SYCP1: variants seen among roughly 807,000 people sequenced by gnomAD.
SYCP1 encodes the protein cancer/testis antigen 8.
A neutral mutation model predicts 153.1 loss-of-function variants in SYCP1; 64 were observed. That is an observed-to-expected ratio of 0.42 (90% confidence interval 0.34 to 0.51). The LOEUF is 0.51. Among genes scored for constraint, SYCP1 ranks in the 20% least tolerant of loss-of-function variants. The pLI is 0.06. For missense variants in SYCP1, 997 were observed against 1,049.0 expected, an observed-to-expected ratio of 0.95 and a Z score of 0.68; for synonymous variants, 384 against 341.8, an observed-to-expected ratio of 1.12 and a Z score of -1.36.
At chr1:114,964,236 T>C (rs1205638183) in intron 27 of SYCP1, among the ~76,000 whole-genome samples, 1 of 152,230 alleles carries the variant, frequency 6.6e-6, no homozygotes, top group Non-Finnish European at 1.5e-5. Context: ...TATTTTCTTG[T>C]AAATTTGTTT....
chr1:114,952,390 G>A (rs516985), intron 27 of SYCP1, among the ~76,000 whole-genome samples: 72,593 of 151,590 alleles, frequency 0.48, 18,069 homozygotes, highest in Non-Finnish European at 0.55. Context: ...TCTAATTTGC[G>A]TTTTTCTGCT....
chr1:114,951,290 A>G (rs529874804), intron 27 of SYCP1, among the ~76,000 whole-genome samples: 2 of 152,304 alleles, frequency 1.3e-5, no homozygotes, highest in East Asian at 3.9e-4. Context: ...ATAAACAAAA[A>G]GAACCATAGT....
chr1:114,940,050 GT>G (rs929996012), intron 23 of SYCP1, among the ~76,000 whole-genome samples: 4 of 151,842 alleles, frequency 2.6e-5, no homozygotes, highest in African/African-American at 9.7e-5. Flanking sequence ...TCCTTCTTTT[GT>G]TTTTTTCTTT....
At chr1:114,942,319 A>T (rs937789891) in intron 23 of SYCP1, among the ~76,000 whole-genome samples, 1 of 152,020 alleles carries the variant, frequency 6.6e-6, no homozygotes, top group African/African-American at 2.4e-5. Flanking sequence ...ATGTTGGAGA[A>T]ATAAGGATAA....
intron 23 of SYCP1, among the ~76,000 whole-genome samples, chr1:114,929,438 A>G (rs1157927585): frequency 1.3e-5 from 2 of 152,102 alleles, no homozygotes; most frequent in East Asian, 3.9e-4. Context: ...AGGGCAAACC[A>G]TATACTATTA....
intron 5 of SYCP1, 102 bp downstream of exon 5, chr1:114,857,599 T>C (rs1196485755): frequency 2.2e-6 from 2 of 920,880 alleles, no homozygotes; most frequent in African/African-American, 3.4e-5. Context: ...TATTATTTGA[T>C]TAACGTTTTA....
intron 8 of SYCP1, among the ~76,000 whole-genome samples, chr1:114,865,222 AT>A (rs372212159): frequency 0.038 from 5,674 of 149,310 alleles, 129 homozygotes; most frequent in African/African-American, 0.055. Flanking sequence ...CATTTCTGTG[AT>A]TTTTTTTTTG....
Position 114,878,147 on chromosome 1 carries a change from A to G in SYCP1, c.855A>G (p.Leu285=). Reference sequence around the variant, plus strand: ...AGAAAGAAAATAAAATGAAAGATTTAACATTTCTGCTAGAGGAATCCAGAG... The same window carrying G: ...AGAAAGAAAATAAAATGAAAGATTTGACATTTCTGCTAGAGGAATCCAGAG... ...ITEKENKMKD[L]TFLLEESRDK... is the part of the protein sequence containing the mutation. The change falls in exon 12 of 32, where the codon TTA becomes TTG. Residue 285 remains leucine, a synonymous_variant. Coordinates refer to ENST00000369522, the MANE Select transcript of SYCP1 (RefSeq NM_003176.4). 3 of 1,589,570 alleles carry G rather than the reference A, an allele frequency of 1.9e-6. No individual in the cohort carries two copies. The highest frequency in any genetic ancestry group is 2.6e-6 in the Non-Finnish European group (3 of 1,161,566).
At chr1:114,969,620 C>T (rs1367171332) in intron 27 of SYCP1, among the ~76,000 whole-genome samples, 1 of 152,160 alleles carries the variant, frequency 6.6e-6, no homozygotes, top group African/African-American at 2.4e-5. Flanking sequence ...CTACTCGGCT[C>T]CCAGGCTTCA....
At chr1:114,912,395 A>G (rs1668238877) in intron 18 of SYCP1, among the ~76,000 whole-genome samples, 1 of 151,998 alleles carries the variant, frequency 6.6e-6, no homozygotes, top group Non-Finnish European at 1.5e-5. Flanking sequence ...AGAAATAGAT[A>G]ATAGATGCTC....
intron 12 of SYCP1, among the ~76,000 whole-genome samples, chr1:114,880,087 C>T (rs757893792): frequency 2.6e-5 from 4 of 151,936 alleles, no homozygotes; most frequent in African/African-American, 7.3e-5. Context: ...TTATTTCTAT[C>T]GTTTCTTTTT....
At chr1:114,957,537 A>G (rs1671519670) in intron 27 of SYCP1, among the ~76,000 whole-genome samples, 1 of 152,240 alleles carries the variant, frequency 6.6e-6, no homozygotes, top group African/African-American at 2.4e-5. Context: ...TTTGGAAACT[A>G]TCCATCCAAC....
chr1:114,935,042 C>T lies in SYCP1; in HGVS notation c.1926+8479C>T, dbSNP rs1669902097. ...GGATATCCAGGAATTGAACTCAGCTCTGCACCAAGCCGACCTAATAGACAT... is the reference window on the plus strand; with the variant it reads ...GGATATCCAGGAATTGAACTCAGCTTTGCACCAAGCCGACCTAATAGACAT... On this transcript the variant is annotated intron_variant, in intron 23 of 31. Transcript: ENST00000369522. Among the ~76,000 whole-genome samples the T allele has an allele frequency of 1.3e-5, 2 of 152,194 alleles. 1 individual carries two copies.
intron 30 of SYCP1, among the ~76,000 whole-genome samples, chr1:114,989,953 C>G (rs1421447988): frequency 6.6e-6 from 1 of 151,866 alleles, no homozygotes; most frequent in East Asian, 1.9e-4. Flanking sequence ...AACAACCAGA[C>G]AGAAGATAAG....
At position 114,858,645 on chromosome 1, in the gene SYCP1, A is replaced by G; in HGVS notation, c.390A>G (p.Lys130=). 6.2e-7 allele frequency: 1 copy of G among 1,613,236 alleles called. No homozygotes were observed. Among genetic ancestry groups the G allele is most frequent in the Non-Finnish European group, 8.5e-7 (1 of 1,179,528 alleles). ...GTACAGAAGCTGAACTGAGACAGAAAGAAAGTAAGTTGCAAGAAAACAGAA... is the reference window on the plus strand; with the variant it reads ...GTACAGAAGCTGAACTGAGACAGAAGGAAAGTAAGTTGCAAGAAAACAGAA... ...KVSTEAELRQ[K]ESKLQENRKI... is the part of the protein sequence containing the mutation. The change falls in exon 6 of 32, where the codon AAA becomes AAG. Residue 130 remains lysine (K), a synonymous_variant. Coordinates refer to ENST00000369522, the MANE Select transcript of SYCP1 (RefSeq NM_003176.4).
intron 12 of SYCP1, among the ~76,000 whole-genome samples, chr1:114,880,254 G>T (rs1043689170): frequency 3.3e-5 from 5 of 152,088 alleles, no homozygotes; most frequent in African/African-American, 1.2e-4. Context: ...TTTTCATCTT[G>T]CAAAATGGAA....
At chr1:114,988,746 A>G (rs1431143772) in intron 30 of SYCP1, among the ~76,000 whole-genome samples, 3 of 152,026 alleles carry the variant, frequency 2.0e-5, no homozygotes, top group African/African-American at 4.8e-5. Flanking sequence ...TACATGGGCA[A>G]TTTATAAAAG....
chr1:114,936,656 A>T (rs898520789), intron 23 of SYCP1, among the ~76,000 whole-genome samples: 3 of 152,168 alleles, frequency 2.0e-5, no homozygotes, highest in Non-Finnish European at 4.4e-5. Context: ...AGAAAACCCC[A>T]TTGTCTCAGC....
chr1:114,989,334 A>G (rs12731220), intron 30 of SYCP1, among the ~76,000 whole-genome samples: 1 of 152,002 alleles, frequency 6.6e-6, no homozygotes, highest in Non-Finnish European at 1.5e-5. Context: ...AACTACAATG[A>G]AATTATATAA....
Sources: gnomAD v4.1 joint callset for allele counts (sites outside exome capture counted in the v4.1 genomes callset) on GRCh38, gnomAD v4.1.1 for gene constraint, MANE v1.5 for transcripts, NCBI Gene and HGNC (gene_info 2026-07-23, HGNC 2026-07-21) for gene names.